CEP290: variants seen among roughly 807,000 people sequenced by gnomAD.
CEP290 encodes the protein centrosomal protein of 290 kDa.
CEP290 carries 317 observed loss-of-function variants against 344.9 expected under a neutral mutation model. The ratio of observed to expected loss-of-function variants is 0.92; its 90% CI spans 0.84 to 1.01. CEP290 has a LOEUF of 1.01. CEP290 is among the 50% of genes least tolerant of loss of function. The pLI is 0.00. For synonymous variants in CEP290, 932 were observed against 895.8 expected (o/e 1.04, Z -0.72); for missense variants, 2,754 against 2,761.4 (o/e 1.00, Z 0.06).
rs865865465 is a variant in CEP290 at position 88,071,713 on chromosome 12, G to A, written c.5855+68C>T. The A allele has an allele frequency of 4.5e-5, 54 of 1,201,862 alleles. 1 individual carries two copies. The highest frequency in any genetic ancestry group is 1.8e-4 in the Admixed American group (6 of 33,642). 74.4% of individuals were successfully genotyped at this position (1,201,862 alleles called of 1,614,324 possible). On this transcript the variant is annotated intron_variant, in intron 42 of 53. Transcript: ENST00000552810. ...TTCTCATATTATCAACTATGATAAA[G>A]CTATATAATTTCCAGGTCACTAAAG...
At chr12:88,095,473 T>TA (rs1263135282) in intron 27 of CEP290, among the ~76,000 whole-genome samples, 19 of 152,298 alleles carry the variant, frequency 1.2e-4, no homozygotes, top group South Asian at 1.2e-3. Flanking sequence ...CAGCATTTAT[T>TA]AAAAATAAAG....
At position 88,111,223 on chromosome 12, in the gene CEP290, T is replaced by C. The variant is rs2038665419; in HGVS notation, c.2346A>G (p.Glu782=). The stretch of plus-strand genomic sequence containing the variant: ...ATACCTGTAACAAATGTATTAAATA[T>C]TCATTCTGAGAATTAATGATACTGG... ...SSASIINSQN[E]YLIHLLQELE... is the part of the protein sequence containing the mutation. The change falls in exon 22 of 54, where the codon GAA becomes GAG. Residue 782 remains glutamate (E), a synonymous_variant. Transcript: ENST00000552810. The C allele has an allele frequency of 2.8e-6, 4 of 1,412,238 alleles. No homozygotes were observed. In the African/African-American group the frequency reaches 4.4e-5, roughly 16 times the overall value. The allele number at this position is 1,412,238 out of a possible 1,614,324, so 87.5% of individuals were successfully genotyped here. A position where few individuals can be genotyped will look rare whatever the true frequency, so the allele number is the denominator to read the frequency against.
chr12:88,074,556 T>C (rs893284214), intron 41 of CEP290, among the ~76,000 whole-genome samples: 1 of 152,196 alleles, frequency 6.6e-6, no homozygotes, highest in Non-Finnish European at 1.5e-5. Flanking sequence ...ATAACTCTCA[T>C]AGCCCTTGTC....
chr12:88,131,306 T>A, intron 6 of CEP290, 88 bp from the exon 7 acceptor site: 1 of 949,848 alleles, frequency 1.1e-6, no homozygotes, highest in Non-Finnish European at 1.5e-6. Context: ...CTTTGTCGCC[T>A]AGGCTGGAGT....
chr12:88,120,384 T>A, intron 14 of CEP290, 108 bp from the exon 15 acceptor site: 1 of 496,376 alleles, frequency 2.0e-6, no homozygotes, highest in Non-Finnish European at 3.4e-6. Context: ...TACATATGCC[T>A]ATAATTTATA....
intron 15 of CEP290, 101 bp downstream of exon 15, chr12:88,120,013 G>A: frequency 1.6e-6 from 1 of 635,750 alleles, no homozygotes. Context: ...TTTGAAAAAA[G>A]CATTAAACTA....
rs1317237800 is a variant in CEP290 at position 88,109,163 on chromosome 12, T to C, written c.2386A>G (p.Lys796Glu). The C allele has an allele frequency of 8.0e-7, 1 of 1,254,290 alleles. No homozygotes were observed. Among genetic ancestry groups the C allele is most frequent in the Non-Finnish European group, 1.1e-6 (1 of 913,032 alleles). The allele number at this position is 1,254,290 out of a possible 1,614,324, so 77.7% of individuals were successfully genotyped here. Residue 796 changes from lysine (K) to glutamate (E), a missense_variant, in exon 23 of 54, where the codon AAA becomes GAA. Coordinates refer to ENST00000552810, the MANE Select transcript of CEP290 (RefSeq NM_025114.4). ...HLLQELENKE[K>E]KLKNLEDSLE... Reference sequence around the variant, plus strand: ...GAATCTTCTAAATTCTTTAACTTTTTTTCTTTATTTTCTAGTTCCTGAAAA... The same window carrying C: ...GAATCTTCTAAATTCTTTAACTTTTCTTCTTTATTTTCTAGTTCCTGAAAA...
At chr12:88,117,913 G>A (rs899268222) in intron 17 of CEP290, among the ~76,000 whole-genome samples, 1 of 152,022 alleles carries the variant, frequency 6.6e-6, no homozygotes, top group Non-Finnish European at 1.5e-5. Context: ...GCTCACGCCT[G>A]TAGTCTCAAC....
intron 39 of CEP290, 61 bp downstream of exon 39, chr12:88,079,030 TG>T (rs2035991896): frequency 7.1e-7 from 1 of 1,401,508 alleles, no homozygotes; most frequent in African/African-American, 1.5e-5. Flanking sequence ...TATATCATAG[TG>T]AATTCTCTTC....
chr12:88,131,196 G>A lies in CEP290; in HGVS notation c.464C>T (p.Ala155Val). The change falls in exon 7 of 54, where the codon GCA becomes GTA. Residue 155 changes from alanine to valine, a missense_variant. Ala to Val is a moderately conservative substitution (Grantham distance 64). Transcript: ENST00000552810. ...NEQLALRNEE[A>V]ENENSKLRRE... ...TCTTAATTTGCTGTTTTCATTTTCT[G>A]CCTCCTCATTTCGAAGAGCCAACTA... is the stretch of plus-strand genomic sequence containing the variant. 2 of 1,509,762 alleles carry A rather than the reference G, an allele frequency of 1.3e-6. No homozygotes were observed. The highest frequency in any genetic ancestry group is 1.8e-6 in the Non-Finnish European group (2 of 1,135,224). 93.5% of individuals were successfully genotyped at this position (1,509,762 alleles called of 1,614,324 possible). A position where few individuals can be genotyped will look rare whatever the true frequency, so the allele number is the denominator to read the frequency against.
At chr12:88,090,585 G>A (rs1435262165) in intron 30 of CEP290, 143 bp downstream of exon 30, 10 of 583,490 alleles carry the variant, frequency 1.7e-5, no homozygotes, top group East Asian at 3.3e-5. Context: ...AGCCTTGAAT[G>A]TACCACTGCA....
At chr12:88,050,617 T>G (rs2033408088) in intron 52 of CEP290, among the ~76,000 whole-genome samples, 184 bp from the exon 53 acceptor site, 1 of 152,196 alleles carries the variant, frequency 6.6e-6, no homozygotes, top group Admixed American at 6.5e-5. Flanking sequence ...CATCAAGTAT[T>G]ATAATTTCAT....
chr12:88,095,410 A>G (rs2037355678), intron 27 of CEP290, among the ~76,000 whole-genome samples: 2 of 152,240 alleles, frequency 1.3e-5, no homozygotes, highest in South Asian at 4.1e-4. Context: ...ATATAAATCC[A>G]TATATGAAAG....
At chr12:88,104,552 T>C (rs2038132143) in intron 25 of CEP290, among the ~76,000 whole-genome samples, 1 of 152,096 alleles carries the variant, frequency 6.6e-6, no homozygotes, top group African/African-American at 2.4e-5. Flanking sequence ...ATAAATATTG[T>C]ATATATTAAA....
At chr12:88,070,861 C>T (rs1269892137) in intron 43 of CEP290, among the ~76,000 whole-genome samples, 1 of 152,058 alleles carries the variant, frequency 6.6e-6, no homozygotes, top group Non-Finnish European at 1.5e-5. Flanking sequence ...TGGATCGATC[C>T]TAATCAGAAT....
At chr12:88,078,076 C>T (rs191454974) in intron 39 of CEP290, among the ~76,000 whole-genome samples, 158 bp from the exon 40 acceptor site, 8 of 150,936 alleles carry the variant, frequency 5.3e-5, no homozygotes, top group Admixed American at 4.0e-4. Context: ...ATATATTTTT[C>T]CATATTCATG....
At chr12:88,125,833 T>C (rs17335562) in intron 12 of CEP290, among the ~76,000 whole-genome samples, 4,882 of 152,164 alleles carry the variant, frequency 0.032, 131 homozygotes, top group East Asian at 0.087. Context: ...TTGTGGACTA[T>C]AACTACAGCA....
intron 29 of CEP290, 65 bp downstream of exon 29, chr12:88,092,616 T>C: frequency 7.0e-7 from 1 of 1,431,878 alleles, no homozygotes; most frequent in South Asian, 1.4e-5. Flanking sequence ...TGTAATTGGG[T>C]TTCTTAAAGA....
At chr12:88,099,129 G>A (rs74586031) in intron 26 of CEP290, among the ~76,000 whole-genome samples, 2 of 152,196 alleles carry the variant, frequency 1.3e-5, no homozygotes, top group African/African-American at 4.8e-5. Context: ...CTCCAGATGA[G>A]TGATGATGCT....
Sources: gnomAD v4.1 joint callset for allele counts (sites outside exome capture counted in the v4.1 genomes callset) on GRCh38, gnomAD v4.1.1 for gene constraint, MANE v1.5 for transcripts, NCBI Gene and HGNC (gene_info 2026-07-23, HGNC 2026-07-21) for gene names.